SLC35F3: variants seen among roughly 807,000 people sequenced by gnomAD.
SLC35F3 encodes the protein putative thiamine transporter SLC35F3.
In SLC35F3, 25 loss-of-function variants were observed where a neutral mutation model predicts 49.9. The observed-to-expected ratio is 0.50, with a 90% CI of 0.37 to 0.70. The LOEUF (loss-of-function observed/expected upper bound fraction) is 0.70, where lower values mean the gene tolerates loss of function less well. Among genes scored for constraint, SLC35F3 ranks in the 30% least tolerant of loss-of-function variants. The pLI is 0.00. For missense variants in SLC35F3, 525 were observed against 639.8 expected, an observed-to-expected ratio of 0.82 and a Z score of 1.94; for synonymous variants, 275 against 265.4, an observed-to-expected ratio of 1.04 and a Z score of -0.35.
intron 3 of SLC35F3, among the ~76,000 whole-genome samples, chr1:234,248,429 T>C (rs80317590): frequency 3.4e-5 from 5 of 145,862 alleles, no homozygotes; most frequent in Non-Finnish European, 7.7e-5. Flanking sequence ...GTGCATTGTT[T>C]GGTGGGTTGG....
chr1:234,285,492 T>G (rs1668405843), intron 3 of SLC35F3: 1 of 386,218 alleles, frequency 2.6e-6, no homozygotes, highest in Non-Finnish European at 5.1e-6. Flanking sequence ...CAGAAAATTT[T>G]GGGGTGCCAT....
At chr1:234,049,226 A>G (rs1664337577) in intron 2 of SLC35F3, among the ~76,000 whole-genome samples, 1 of 152,108 alleles carries the variant, frequency 6.6e-6, no homozygotes, top group Admixed American at 6.5e-5. Context: ...TGTACCCCCC[A>G]CCCCAATACA....
chr1:233,942,710 G>T (rs1317685321), intron 2 of SLC35F3, among the ~76,000 whole-genome samples: 1 of 152,196 alleles, frequency 6.6e-6, no homozygotes, highest in Non-Finnish European at 1.5e-5. Context: ...GCTGAGCCCA[G>T]ACAACATCTA....
At chr1:233,943,956 A>G (rs945976294) in intron 2 of SLC35F3, among the ~76,000 whole-genome samples, 2 of 152,248 alleles carry the variant, frequency 1.3e-5, no homozygotes, top group Non-Finnish European at 2.9e-5. Flanking sequence ...AAAAAATGGA[A>G]TTAAGGCAGA....
chr1:234,035,239 A>G (rs1474857563), intron 2 of SLC35F3, among the ~76,000 whole-genome samples: 1 of 152,162 alleles, frequency 6.6e-6, no homozygotes, highest in African/African-American at 2.4e-5. Context: ...CCTTTCTTTA[A>G]TCTATTTTTA....
chr1:234,091,076 A>G (rs982666261), intron 2 of SLC35F3, among the ~76,000 whole-genome samples: 9 of 152,384 alleles, frequency 5.9e-5, no homozygotes, highest in African/African-American at 2.2e-4. Context: ...CAAGTAATAC[A>G]TGAACATGTT....
At chr1:234,105,783 G>A (rs956778658) in intron 2 of SLC35F3, among the ~76,000 whole-genome samples, 2 of 152,198 alleles carry the variant, frequency 1.3e-5, no homozygotes, top group Non-Finnish European at 2.9e-5. Context: ...CCCTGGAGGA[G>A]TATTGTCCTT....
chr1:234,282,969 C>T (rs1422770105), intron 3 of SLC35F3, among the ~76,000 whole-genome samples: 2 of 152,200 alleles, frequency 1.3e-5, no homozygotes, highest in African/African-American at 4.8e-5. Flanking sequence ...ACCTGGAGAA[C>T]TAGATTACTT....
At chr1:234,058,328 A>ATTGTTTTTTTTT (rs1664486053) in intron 2 of SLC35F3, among the ~76,000 whole-genome samples, 1 of 39,792 alleles carries the variant, frequency 2.5e-5, no homozygotes, top group African/African-American at 1.4e-4. Flanking sequence ...ATGTTCCTGA[A>ATTGTTTTTTTTT]TTTTTTTTTT....
chr1:234,217,995 T>C (rs775079704), intron 2 of SLC35F3, among the ~76,000 whole-genome samples: 1 of 152,102 alleles, frequency 6.6e-6, no homozygotes, highest in South Asian at 2.1e-4. Context: ...AGAGAGAACA[T>C]GGATGCTAGG....
At chr1:234,089,299 A>G (rs1395607225) in intron 2 of SLC35F3, among the ~76,000 whole-genome samples, 1 of 152,210 alleles carries the variant, frequency 6.6e-6, no homozygotes, top group Non-Finnish European at 1.5e-5. Flanking sequence ...CTGGGCTGTG[A>G]GGATTGTGAG....
At chr1:234,241,295 A>G (rs151191709) in intron 3 of SLC35F3, among the ~76,000 whole-genome samples, 78 of 152,300 alleles carry the variant, frequency 5.1e-4, no homozygotes, top group Non-Finnish European at 9.6e-4. Flanking sequence ...CTCCAGGGAT[A>G]TAGAAAGGAA....
At chr1:234,279,134 T>A (rs1295238579) in intron 3 of SLC35F3, among the ~76,000 whole-genome samples, 1 of 152,124 alleles carries the variant, frequency 6.6e-6, no homozygotes, top group Non-Finnish European at 1.5e-5. Context: ...AAAGGTGGGA[T>A]GGCTCCAAGC....
intron 2 of SLC35F3, among the ~76,000 whole-genome samples, chr1:234,166,571 A>G (rs1292732307): frequency 6.6e-6 from 1 of 152,162 alleles, no homozygotes; most frequent in Non-Finnish European, 1.5e-5. Context: ...CTCTAGGGGT[A>G]TGTTTGGCAG....
chr1:234,031,351 C>G (rs1019935989), intron 2 of SLC35F3, among the ~76,000 whole-genome samples: 4 of 152,198 alleles, frequency 2.6e-5, no homozygotes, highest in Admixed American at 6.5e-5. Context: ...GACCTGGTCC[C>G]CTCTACACCT....
rs148939536 is a variant in SLC35F3, at chr1:234,120,257, A to G, written c.284-111160A>G. Among the ~76,000 whole-genome samples, 30 of 152,360 alleles carry G rather than the reference A, an allele frequency of 2.0e-4. No individual in the cohort carries two copies. In the East Asian group the frequency reaches 4.6e-3, roughly 23 times the overall value. On this transcript the variant is annotated intron_variant, in intron 2 of 7. Transcript: ENST00000366618. ...ATCGAAGTTGGGGTTTCCATTTTGTATGCAATGAAAATAAATGTGAAGTAT... is the reference window on the plus strand; with the variant it reads ...ATCGAAGTTGGGGTTTCCATTTTGTGTGCAATGAAAATAAATGTGAAGTAT...
chr1:233,929,484 C>T (rs1662209089), intron 2 of SLC35F3, among the ~76,000 whole-genome samples: 1 of 152,176 alleles, frequency 6.6e-6, no homozygotes, highest in African/African-American at 2.4e-5. Flanking sequence ...GATCCTAAAT[C>T]ACTGGAAATG....
chr1:233,958,433 C>CAATG (rs1218112157), intron 2 of SLC35F3, among the ~76,000 whole-genome samples: 1 of 152,190 alleles, frequency 6.6e-6, no homozygotes, highest in Non-Finnish European at 1.5e-5. Context: ...TTTATTGAAT[C>CAATG]AATGAATGAA....
chr1:234,116,213 C>A (rs910904386), intron 2 of SLC35F3, among the ~76,000 whole-genome samples: 2 of 152,040 alleles, frequency 1.3e-5, no homozygotes, highest in Admixed American at 6.5e-5. Flanking sequence ...TGCTTAGGAG[C>A]AAAAGGGAAA....
Sources: allele counts gnomAD v4.1 joint callset (sites outside exome capture counted in the v4.1 genomes callset), GRCh38; gene constraint gnomAD v4.1.1; transcripts MANE v1.5; gene names NCBI Gene and HGNC (gene_info 2026-07-23, HGNC 2026-07-21).